Variants in AFAP1 observed in about 807,000 individuals in gnomAD.
AFAP1 encodes actin filament-associated protein 1.
Under a neutral mutation model 93.9 loss-of-function variants are expected in AFAP1, and 75 were observed. The ratio of observed to expected loss-of-function variants is 0.80; its 90% CI spans 0.66 to 0.97. The LOEUF is 0.97. Among genes scored for constraint, AFAP1 ranks in the 50% least tolerant of loss-of-function variants. The pLI, the probability that AFAP1 is intolerant of heterozygous loss-of-function variation, is 0.00. For missense variants in AFAP1, 1,201 were observed against 1,050.8 expected (o/e 1.14, Z -1.98); for synonymous variants, 517 against 430.7 (o/e 1.20, Z -2.48).
chr4:7,853,665 TG>T (rs1390492883), intron 4 of AFAP1, among the ~76,000 whole-genome samples: 4 of 152,210 alleles, frequency 2.6e-5, no homozygotes, highest in Admixed American at 6.5e-5. Context: ...CAAAATGCTT[TG>T]GCTTCTCCGA....
Position 7,848,773 on chromosome 4 carries a change from C to G in AFAP1, c.335-5423G>C, listed in dbSNP as rs572756462. 3.3e-4 allele frequency among the ~76,000 whole-genome samples: 51 copies of G among 152,302 alleles called. No individual in the cohort carries two copies. The East Asian group carries it at 3.5e-3, about 10-fold the overall frequency. On this transcript the variant is annotated intron_variant, in intron 4 of 17. Transcript: ENST00000420658. ...CCCCCTCATCTAGTCAACTTCACAC[C>G]TCAAATTCACCACCACACTCTTCTT...
Position 7,831,393 on chromosome 4 carries a change from T to TAAAAAA in AFAP1, c.726+7125_726+7130dup, listed in dbSNP as rs34512873. ...CCTTTTAAGAAAAATCAGCAAATGCTAAAAAAAAAAAAAAAAAATTCTTGC... is the reference window on the plus strand; with the variant it reads ...CCTTTTAAGAAAAATCAGCAAATGCTAAAAAAAAAAAAAAAAAAAAAAAATTCTTGC... On this transcript the variant is annotated intron_variant, in intron 6 of 17. Coordinates refer to ENST00000420658, the MANE Select transcript of AFAP1 (RefSeq NM_001134647.2). 3.2e-3 allele frequency among the ~76,000 whole-genome samples: 439 copies of TAAAAAA among 137,870 alleles called. 4 individuals are homozygous for TAAAAAA. The highest frequency in any genetic ancestry group is 9.5e-3 in the African/African-American group (347 of 36,674). The allele number at this position is 137,870 out of a possible 152,430, so 90.4% of individuals were successfully genotyped here.
chr4:7,798,432 C>T (rs1028423987), intron 10 of AFAP1, among the ~76,000 whole-genome samples: 102 of 150,132 alleles, frequency 6.8e-4, no homozygotes, highest in Non-Finnish European at 9.3e-4. Context: ...GGCTGGCTCA[C>T]AGCATTGCAA....
At chr4:7,904,295 T>C (rs1198897465) in intron 1 of AFAP1, among the ~76,000 whole-genome samples, 1 of 152,036 alleles carries the variant, frequency 6.6e-6, no homozygotes, top group Non-Finnish European at 1.5e-5. Flanking sequence ...GAAACGGCTC[T>C]CCACACATGA....
Position 7,763,384 on chromosome 4 carries a change from A to C in AFAP1, c.*381T>G. The C allele has an allele frequency of 4.6e-6, 1 of 215,692 alleles. No individual in the cohort carries two copies. Among genetic ancestry groups the C allele is most frequent in the Non-Finnish European group, 9.2e-6 (1 of 108,822 alleles). 13.4% of individuals were successfully genotyped at this position (215,692 alleles called of 1,614,324 possible). A position where few individuals can be genotyped will look rare whatever the true frequency, so the allele number is the denominator to read the frequency against. ...CGGGGATCCAAGCTCTTCCCTGTCG[A>C]ATCCAGGTTTTCATCTGGGGGCTCA... is the stretch of plus-strand genomic sequence containing the variant. On this transcript the variant is annotated 3_prime_UTR_variant, in exon 18 of 18. Transcript: ENST00000420658.
chr4:7,872,704 T>C (rs1717150251), intron 1 of AFAP1, among the ~76,000 whole-genome samples: 1 of 152,168 alleles, frequency 6.6e-6, no homozygotes, highest in Non-Finnish European at 1.5e-5. Flanking sequence ...TTGTAGATGA[T>C]GATCTTAGCC....
chr4:7,829,959 G>A (rs889235252), intron 6 of AFAP1, among the ~76,000 whole-genome samples: 3 of 152,174 alleles, frequency 2.0e-5, no homozygotes, highest in Non-Finnish European at 4.4e-5. Context: ...AAGACTGAAA[G>A]CAACCCAATG....
intron 1 of AFAP1, among the ~76,000 whole-genome samples, chr4:7,938,712 A>G (rs6847771): frequency 0.013 from 2,001 of 152,204 alleles, 38 homozygotes; most frequent in African/African-American, 0.044. Flanking sequence ...TGAGAGCTAC[A>G]AAGTTCAATC....
At chr4:7,864,023 A>C (rs79728143) in intron 3 of AFAP1, among the ~76,000 whole-genome samples, 222 of 22,322 alleles carry the variant, frequency 9.9e-3, no homozygotes, top group East Asian at 0.041. Context: ...ATCACAACCC[A>C]TTCCCAACTT....
At chr4:7,922,090 C>T (rs554366506) in intron 1 of AFAP1, among the ~76,000 whole-genome samples, 2 of 152,048 alleles carry the variant, frequency 1.3e-5, no homozygotes, top group Non-Finnish European at 1.5e-5. Flanking sequence ...GCCAGCCTGG[C>T]GACAGAGTGA....
In AFAP1 at chr4:7,879,337, C is replaced by G. The variant is rs114716029; in HGVS notation, c.-2-7257G>C. Reference sequence around the variant, plus strand: ...TTACAGACGGTAGGAATCAAATGAACAGAGGTGATGTGGCTGCCCCAAGGC... The same window carrying G: ...TTACAGACGGTAGGAATCAAATGAAGAGAGGTGATGTGGCTGCCCCAAGGC... On this transcript the variant is annotated intron_variant, in intron 1 of 17. Coordinates refer to ENST00000420658, the MANE Select transcript of AFAP1 (RefSeq NM_001134647.2). Among the ~76,000 whole-genome samples the G allele has an allele frequency of 5.9e-3, 899 of 152,250 alleles. 7 individuals carry two copies. The highest frequency in any genetic ancestry group is 0.019 in the African/African-American group (787 of 41,546).
intron 7 of AFAP1, among the ~76,000 whole-genome samples, chr4:7,816,685 G>C (rs1325131532): frequency 6.6e-6 from 1 of 152,208 alleles, no homozygotes; most frequent in Non-Finnish European, 1.5e-5. Flanking sequence ...ATGAGGTAGA[G>C]TGTTTACAGC....
chr4:7,812,673 G>A (rs1386783828), intron 8 of AFAP1, among the ~76,000 whole-genome samples: 3 of 152,174 alleles, frequency 2.0e-5, no homozygotes, highest in Non-Finnish European at 4.4e-5. Context: ...CATGAGGTGG[G>A]CAGGCACTGG....
intron 11 of AFAP1, among the ~76,000 whole-genome samples, chr4:7,787,621 ATGGGAAAGACC>A (rs1180753382): frequency 6.6e-6 from 1 of 152,164 alleles, no homozygotes; most frequent in Admixed American, 6.5e-5. Flanking sequence ...ATTGCTGGGC[ATGGGAAAGACC>A]TGCCCGTTTA....
intron 3 of AFAP1, among the ~76,000 whole-genome samples, chr4:7,859,000 A>G (rs1023954915): frequency 6.6e-6 from 1 of 152,028 alleles, no homozygotes; most frequent in Non-Finnish European, 1.5e-5. Flanking sequence ...CCCACACACC[A>G]CTGTGGAATC....
Position 7,763,256 on chromosome 4 carries a change from GAC to G in AFAP1, c.*507_*508del, listed in dbSNP as rs1714066929. 2 of 154,344 alleles carry G rather than the reference GAC, an allele frequency of 1.3e-5. No individual in the cohort carries two copies. Among genetic ancestry groups the G allele is most frequent in the Admixed American group, 6.5e-5 (1 of 15,424 alleles). 9.6% of individuals were successfully genotyped at this position (154,344 alleles called of 1,614,324 possible). ...CGGGCACGTGGAGAGGGTACGCCAA[GAC>G]ACAAAGTCCACGTCAGGACTGCGTA... is the stretch of plus-strand genomic sequence containing the variant. On this transcript the variant is annotated 3_prime_UTR_variant, in exon 18 of 18. Coordinates refer to ENST00000420658, the MANE Select transcript of AFAP1 (RefSeq NM_001134647.2).
chr4:7,774,475 C>T (rs1331920619), intron 15 of AFAP1: 2 of 461,066 alleles, frequency 4.3e-6, no homozygotes, highest in Non-Finnish European at 7.6e-6. Context: ...CGGAACAGGT[C>T]CCCCAGCACC....
chr4:7,893,479 G>A (rs1385335688), intron 1 of AFAP1, among the ~76,000 whole-genome samples: 1 of 150,740 alleles, frequency 6.6e-6, no homozygotes, highest in Non-Finnish European at 1.5e-5. Flanking sequence ...TACTTGGGAG[G>A]CTGAGGCAGG....
In AFAP1 at chr4:7,829,794, G is replaced by A. The variant is rs562379491; in HGVS notation, c.726+8730C>T. 1.8e-4 allele frequency among the ~76,000 whole-genome samples: 28 copies of A among 152,100 alleles called. 1 individual carries two copies. Among genetic ancestry groups the A allele is most frequent in the Admixed American group, 1.6e-3 (24 of 15,276 alleles). On this transcript the variant is annotated intron_variant, in intron 6 of 17. Coordinates refer to ENST00000420658, the MANE Select transcript of AFAP1 (RefSeq NM_001134647.2). ...GAGGGAAAATTGGTAAACCTCCTAG[G>A]AGAGTGCCTTAGCTATACATCAAAA...
Sources: gnomAD v4.1 joint callset for allele counts (sites outside exome capture counted in the v4.1 genomes callset) on GRCh38, gnomAD v4.1.1 for gene constraint, MANE v1.5 for transcripts, NCBI Gene and HGNC (gene_info 2026-07-23, HGNC 2026-07-21) for gene names.